Variants in SCAMP1 observed in about 807,000 individuals in gnomAD.
The protein encoded by SCAMP1 is secretory carrier membrane protein 1, also known as secretory carrier-associated membrane protein 1.
Under a neutral mutation model 41.8 loss-of-function variants are expected in SCAMP1, and 15 were observed. That is an observed-to-expected ratio of 0.36 (90% CI 0.24 to 0.55). The LOEUF is 0.55. SCAMP1 is among the 20% of genes least tolerant of loss of function. SCAMP1 has a pLI of 0.86. For synonymous variants in SCAMP1, 135 were observed against 136.8 expected (o/e 0.99, Z 0.09); for missense variants, 341 against 412.6 (o/e 0.83, Z 1.50).
In SCAMP1 at chr5:78,477,508, A is replaced by G. The variant is rs1340502421; in HGVS notation, c.*1840A>G. On this transcript the variant is annotated 3_prime_UTR_variant, in exon 9 of 9. Coordinates refer to ENST00000621999, the MANE Select transcript of SCAMP1 (RefSeq NM_004866.6). Reference sequence around the variant, plus strand: ...ACATTCAAAACATTAACCACAAAATACAGCAAGTGCACCTATATTCACCAT... The same window carrying G: ...ACATTCAAAACATTAACCACAAAATGCAGCAAGTGCACCTATATTCACCAT... 1 of 152,182 alleles carries G rather than the reference A, an allele frequency of 6.6e-6. No homozygotes were observed. Among genetic ancestry groups the G allele is most frequent in the Non-Finnish European group, 1.5e-5 (1 of 67,992 alleles). The allele number at this position is 152,182 out of a possible 1,614,324, so 9.4% of individuals were successfully genotyped here.
chr5:78,418,974 C>T (rs1005245614), intron 5 of SCAMP1, 71 bp downstream of exon 5: 14 of 1,312,184 alleles, frequency 1.1e-5, no homozygotes. Context: ...ATTTTTATTT[C>T]AAGGATAGTA....
chr5:78,456,739 T>G (rs1277472895), intron 7 of SCAMP1, among the ~76,000 whole-genome samples: 3 of 149,538 alleles, frequency 2.0e-5, no homozygotes, highest in Non-Finnish European at 4.4e-5. Context: ...CCTGCCTTGC[T>G]AGATTGGGGA....
At chr5:78,377,884 A>G (rs147056895) in intron 1 of SCAMP1, among the ~76,000 whole-genome samples, 138 of 152,344 alleles carry the variant, frequency 9.1e-4, no homozygotes, top group African/African-American at 3.1e-3. Flanking sequence ...ACTGAGGTAC[A>G]GTGAAATACG....
chr5:78,383,431 TTTAA>T (rs1221481913), intron 1 of SCAMP1, among the ~76,000 whole-genome samples: 2 of 152,202 alleles, frequency 1.3e-5, no homozygotes, highest in Non-Finnish European at 2.9e-5. Flanking sequence ...AGCTTTTTAG[TTTAA>T]TTAAGTCCCA....
chr5:78,437,811 C>T (rs754808411), intron 6 of SCAMP1, among the ~76,000 whole-genome samples: 13 of 152,162 alleles, frequency 8.5e-5, no homozygotes, highest in African/African-American at 3.1e-4. Flanking sequence ...CTTTGTACCT[C>T]TGATAGAATT....
At chr5:78,364,166 T>TA (rs1750736436) in intron 1 of SCAMP1, among the ~76,000 whole-genome samples, 1 of 152,152 alleles carries the variant, frequency 6.6e-6, no homozygotes, top group Non-Finnish European at 1.5e-5. Flanking sequence ...GTGAGACAAA[T>TA]ATGCTTGGAA....
At chr5:78,402,293 G>A (rs898287929) in intron 2 of SCAMP1, among the ~76,000 whole-genome samples, 1 of 151,284 alleles carries the variant, frequency 6.6e-6, no homozygotes, top group African/African-American at 2.4e-5. Context: ...ATGTGTTTCT[G>A]CTGTTGGATG....
intron 2 of SCAMP1, among the ~76,000 whole-genome samples, chr5:78,394,371 G>A (rs569981155): frequency 4.0e-4 from 61 of 152,012 alleles, no homozygotes; most frequent in African/African-American, 1.4e-3. Flanking sequence ...AAGGCAGGGA[G>A]GAAAATGTTG....
chr5:78,444,874 A>G (rs866801219), intron 6 of SCAMP1, among the ~76,000 whole-genome samples: 18 of 152,236 alleles, frequency 1.2e-4, no homozygotes, highest in Non-Finnish European at 1.2e-4. Context: ...ATATAAAAGC[A>G]TGTTCCACTG....
At chr5:78,445,044 TTTAG>T (rs1753019812) in intron 6 of SCAMP1, among the ~76,000 whole-genome samples, 1 of 152,202 alleles carries the variant, frequency 6.6e-6, no homozygotes, top group Non-Finnish European at 1.5e-5. Context: ...AGTGGTGTGC[TTTAG>T]TTAACTTGTG....
At position 78,479,550 on chromosome 5, in the gene SCAMP1, A is replaced by T. The variant is rs1440998806; in HGVS notation, c.*3882A>T. 6.6e-6 allele frequency among the ~76,000 whole-genome samples: 1 copy of T among 152,216 alleles called. No individual in the cohort carries two copies. The highest frequency in any genetic ancestry group is 1.5e-5 in the Non-Finnish European group (1 of 68,030). ...TATTTTTAAACTTTAGGACTTTATC[A>T]CAGTATGTAGAGAGCTAGAAATAAA... On this transcript the variant is annotated 3_prime_UTR_variant, in exon 9 of 9. Transcript: ENST00000621999.
chr5:78,461,476 G>T (rs1051763067), intron 8 of SCAMP1, among the ~76,000 whole-genome samples: 1 of 152,194 alleles, frequency 6.6e-6, no homozygotes, highest in African/African-American at 2.4e-5. Context: ...TTAAAGATCA[G>T]TTGGTTGTAG....
In SCAMP1 at chr5:78,450,037, A is replaced by G; in HGVS notation, c.734+3A>G. On this transcript the variant is annotated splice_donor_region_variant and intron_variant, in intron 7 of 8. Coordinates refer to ENST00000621999, the MANE Select transcript of SCAMP1 (RefSeq NM_004866.6). ...GGATTTCATAACTGGGGCAATTGGTAAGTTTTTTTTTTTACTAGTTTTCAG... is the reference window on the plus strand; with the variant it reads ...GGATTTCATAACTGGGGCAATTGGTGAGTTTTTTTTTTTACTAGTTTTCAG... 6.6e-7 allele frequency: 1 copy of G among 1,511,762 alleles called. No individual in the cohort carries two copies. The highest frequency in any genetic ancestry group is 2.3e-5 in the East Asian group (1 of 42,940). 93.6% of individuals were successfully genotyped at this position (1,511,762 alleles called of 1,614,324 possible).
chr5:78,447,209 A>G (rs547307658), intron 6 of SCAMP1, among the ~76,000 whole-genome samples: 1 of 152,224 alleles, frequency 6.6e-6, no homozygotes, highest in Non-Finnish European at 1.5e-5. Flanking sequence ...CCCTGGTGCC[A>G]AAAAGGTTGG....
intron 7 of SCAMP1, among the ~76,000 whole-genome samples, chr5:78,456,250 T>C (rs1753396567): frequency 6.8e-6 from 1 of 147,328 alleles, no homozygotes; most frequent in Non-Finnish European, 1.5e-5. Flanking sequence ...GTGATTTTGC[T>C]CGTTAGTTGA....
chr5:78,435,815 T>A (rs1752738686), intron 6 of SCAMP1, among the ~76,000 whole-genome samples: 2 of 152,236 alleles, frequency 1.3e-5, no homozygotes, highest in Non-Finnish European at 2.9e-5. Context: ...TCTTCCACAA[T>A]GGTTGAACTA....
chr5:78,406,668 A>G (rs551040617), intron 2 of SCAMP1, among the ~76,000 whole-genome samples: 19 of 152,210 alleles, frequency 1.2e-4, no homozygotes, highest in Non-Finnish European at 2.8e-4. Context: ...ATATTTTTCT[A>G]TAATTTTTAT....
At chr5:78,438,424 C>G (rs184939303) in intron 6 of SCAMP1, among the ~76,000 whole-genome samples, 45 of 152,326 alleles carry the variant, frequency 3.0e-4, no homozygotes, top group African/African-American at 1.1e-3. Context: ...TCTTTGTTCT[C>G]ATTGGTTTCA....
intron 8 of SCAMP1, among the ~76,000 whole-genome samples, chr5:78,471,706 G>GGC (rs1237482897): frequency 6.6e-6 from 1 of 152,076 alleles, no homozygotes; most frequent in Non-Finnish European, 1.5e-5. Context: ...GCATTAAGGA[G>GGC]GCAGGACTCC....
Sources: allele counts gnomAD v4.1 joint callset (sites outside exome capture counted in the v4.1 genomes callset), GRCh38; gene constraint gnomAD v4.1.1; transcripts MANE v1.5; gene names NCBI Gene and HGNC (gene_info 2026-07-23, HGNC 2026-07-21).